Variants in IQSEC3 observed in about 807,000 individuals in gnomAD.
IQSEC3 encodes IQ motif and Sec7 domain ArfGEF 3.
In IQSEC3, 50 loss-of-function variants were observed where a neutral mutation model predicts 105.4. The ratio of observed to expected loss-of-function variants is 0.47; its 90% CI spans 0.38 to 0.60. The LOEUF is 0.60. IQSEC3 is among the 20% of genes least tolerant of loss of function. The probability of loss-of-function intolerance (pLI) is 0.00; values close to 1 mark genes in which losing one functional copy is unlikely to be tolerated. For missense variants in IQSEC3, 1,415 were observed against 1,630.0 expected, an observed-to-expected ratio of 0.87 and a Z score of 2.27; for synonymous variants, 708 against 746.0, an observed-to-expected ratio of 0.95 and a Z score of 0.83.
rs907706178 is a variant in IQSEC3 at position 132,696 on chromosome 12, T to C, written c.904-5571T>C. On this transcript the variant is annotated intron_variant, in intron 3 of 13. Transcript: ENST00000538872. ...AGGCAAGTTTCCCAGGCTGGGTGCT[T>C]GTCAGGCCAATAAGGAAGTCAACAA... 2.0e-5 allele frequency among the ~76,000 whole-genome samples: 3 copies of C among 152,178 alleles called. No homozygotes were observed. The East Asian group carries it at 5.8e-4, about 29-fold the overall frequency.
rs1555091175 is a variant in IQSEC3 at position 146,725 on chromosome 12, G to A, written c.2153+5440G>A. Among the ~76,000 whole-genome samples the A allele has an allele frequency of 4.6e-5, 7 of 152,072 alleles. No homozygotes were observed. The South Asian group carries it at 1.5e-3, about 32-fold the overall frequency. ...GAGGAAGGGAGGGAGGGAGGGAGGA[G>A]GAAGAAAGAGAGAGATAGATAGAGA... On this transcript the variant is annotated intron_variant, in intron 5 of 13. Transcript: ENST00000538872.
chr12:153,172 G>T (rs1033329837), intron 5 of IQSEC3, among the ~76,000 whole-genome samples: 2 of 152,048 alleles, frequency 1.3e-5, no homozygotes, highest in African/African-American at 4.8e-5. Flanking sequence ...GTAGAGGGCC[G>T]AGGCTTATAG....
At chr12:151,883 T>C (rs1413829690) in intron 5 of IQSEC3, among the ~76,000 whole-genome samples, 1 of 152,198 alleles carries the variant, frequency 6.6e-6, no homozygotes, top group Admixed American at 6.5e-5. Context: ...CCTACTCATC[T>C]TTCAGGCCTC....
At chr12:91,706 G>A (rs1260328574) in intron 1 of IQSEC3, among the ~76,000 whole-genome samples, 38 of 152,156 alleles carry the variant, frequency 2.5e-4, no homozygotes, top group Admixed American at 2.5e-3. Flanking sequence ...GTTGGAGGTT[G>A]GAGGTTGGAG....
In IQSEC3 at chr12:138,769, A is replaced by G. The variant is rs782528042; in HGVS notation, c.1406A>G (p.Glu469Gly). 6.3e-7 allele frequency: 1 copy of G among 1,580,814 alleles called. No individual in the cohort carries two copies. Among genetic ancestry groups the G allele is most frequent in the East Asian group, 2.3e-5 (1 of 43,406 alleles). The change falls in exon 4 of 14, where the codon GAG (glutamate) becomes GGG (glycine). Residue 469 changes from glutamate (E) to glycine (G), a missense_variant. Physicochemically the swap from Glu to Gly is moderately conservative, Grantham distance 98. This residue lies in a region of IQSEC3 where 720 missense variants were observed against 633.0 expected (regional missense o/e 1.14). Coordinates refer to ENST00000538872, the MANE Select transcript of IQSEC3 (RefSeq NM_001170738.2). The surrounding 1 kb of genome is among the most constrained non-coding windows in gnomAD (Gnocchi z 7.1). ...AGPGPGDDAA[E>G]TPGLPPAHSG... Reference sequence around the variant, plus strand: ...CCCGGGCCCGGGGATGACGCCGCGGAGACCCCCGGCCTGCCCCCGGCCCAC... The same window carrying G: ...CCCGGGCCCGGGGATGACGCCGCGGGGACCCCCGGCCTGCCCCCGGCCCAC...
chr12:70,195 C>T (rs1863259177), intron 1 of IQSEC3, among the ~76,000 whole-genome samples: 2 of 152,260 alleles, frequency 1.3e-5, no homozygotes, highest in African/African-American at 4.8e-5. Context: ...GCATTATGTC[C>T]TCACACAGTT....
intron 1 of IQSEC3, among the ~76,000 whole-genome samples, chr12:84,971 A>C (rs1431090400): frequency 6.6e-6 from 1 of 152,216 alleles, no homozygotes; most frequent in Non-Finnish European, 1.5e-5. Flanking sequence ...TGCAGCAAAA[A>C]AAGTCAGAGC....
chr12:154,328 C>T (rs536680749), intron 5 of IQSEC3, among the ~76,000 whole-genome samples: 5 of 152,368 alleles, frequency 3.3e-5, no homozygotes, highest in African/African-American at 1.2e-4. Flanking sequence ...GCCTCTGCGG[C>T]AGCCTGCCCC....
intron 13 of IQSEC3, among the ~76,000 whole-genome samples, chr12:173,991 C>T (rs1347004447): frequency 1.5e-4 from 23 of 152,196 alleles, no homozygotes; most frequent in Non-Finnish European, 4.4e-5. Context: ...AGCTGGGGAG[C>T]TGACTCTGCC....
chr12:152,759 AG>A lies in IQSEC3; in HGVS notation c.2154-4265del. Among the ~76,000 whole-genome samples, 1 of 152,302 alleles carries A rather than the reference AG, an allele frequency of 6.6e-6. No individual in the cohort carries two copies. Among genetic ancestry groups the A allele is most frequent in the East Asian group, 1.9e-4 (1 of 5,166 alleles). On this transcript the variant is annotated intron_variant, in intron 5 of 13. Transcript: ENST00000538872. The surrounding 1 kb of genome is among the most constrained non-coding windows in gnomAD (Gnocchi z 4.8). ...CAGTGGGGCAGGGAGAGGCCTCACAAGATTAGGAAGCTGAAAGCCTGCTCTC... is the reference window on the plus strand; with the variant it reads ...CAGTGGGGCAGGGAGAGGCCTCACAAATTAGGAAGCTGAAAGCCTGCTCTC...
intron 2 of IQSEC3, among the ~76,000 whole-genome samples, chr12:103,333 G>C (rs1555076735): frequency 6.7e-6 from 1 of 149,040 alleles, no homozygotes; most frequent in Non-Finnish European, 1.5e-5. Context: ...GGAGAGGGTG[G>C]GGCTCAGGAG....
rs530314559 is a variant in IQSEC3, at chr12:150,219, A to G, written c.2154-6806A>G. 3.9e-5 allele frequency among the ~76,000 whole-genome samples: 6 copies of G among 152,242 alleles called. No homozygotes were observed. The South Asian group carries it at 1.0e-3, about 26-fold the overall frequency. ...AGCCAGTGGTCTCCGAGCTGATGAG[A>G]ATTCAGAATACGCGTGTGCTTCAGG... On this transcript the variant is annotated intron_variant, in intron 5 of 13. Coordinates refer to ENST00000538872, the MANE Select transcript of IQSEC3 (RefSeq NM_001170738.2).
At chr12:168,866 G>T in intron 11 of IQSEC3, 147 bp from the exon 12 acceptor site, 1 of 699,118 alleles carries the variant, frequency 1.4e-6, no homozygotes. Flanking sequence ...TTCAGTGGTG[G>T]GGCCAGACCC....
chr12:92,829 T>G (rs1864131253), intron 1 of IQSEC3, among the ~76,000 whole-genome samples: 1 of 152,192 alleles, frequency 6.6e-6, no homozygotes, highest in African/African-American at 2.4e-5. Flanking sequence ...GGAAGCAGGT[T>G]CTGAGAACAG....
At position 138,930 on chromosome 12, in the gene IQSEC3, G is replaced by A. The variant is rs1555087846; in HGVS notation, c.1567G>A (p.Ala523Thr). 2.5e-6 allele frequency: 4 copies of A among 1,594,972 alleles called. No homozygotes were observed. Among genetic ancestry groups the A allele is most frequent in the Non-Finnish European group, 3.4e-6 (4 of 1,171,716 alleles). ...GACGGTCCAGGCCCCCGCAGAGCCC[G>A]CGGCGGGCAAGGCCGAGCAGGGCGA... ...AQTVQAPAEP[A>T]AGKAEQGETS... Residue 523 changes from alanine (A) to threonine (T), a missense_variant, in exon 4 of 14, where the codon GCG (alanine) becomes ACG (threonine). By Grantham distance (58) the Ala-to-Thr change is moderately conservative. Coordinates refer to ENST00000538872, the MANE Select transcript of IQSEC3 (RefSeq NM_001170738.2). This position sits in a 1 kb window ranked among gnomAD's most constrained non-coding sequence, Gnocchi z 7.1.
rs1268347584 is a variant in IQSEC3, at chr12:125,832, C to T, written c.823C>T (p.Pro275Ser). 7 of 1,531,314 alleles carry T rather than the reference C, an allele frequency of 4.6e-6. No individual in the cohort carries two copies. The highest frequency in any genetic ancestry group is 6.1e-6 in the Non-Finnish European group (7 of 1,145,348). The allele number at this position is 1,531,314 out of a possible 1,614,324, so 94.9% of individuals were successfully genotyped here. A position where few individuals can be genotyped will look rare whatever the true frequency, so the allele number is the denominator to read the frequency against. ...QHKASPGRQQ[P>S]ALATALCPHA... ...CAAGGCCTCCCCCGGCCGGCAGCAGCCTGCCCTGGCGACGGCGCTGTGCCC... is the reference window on the plus strand; with the variant it reads ...CAAGGCCTCCCCCGGCCGGCAGCAGTCTGCCCTGGCGACGGCGCTGTGCCC... The change falls in exon 3 of 14, where the codon CCT becomes TCT. Residue 275 changes from proline to serine, a missense_variant. Physicochemically the swap from Pro to Ser is moderately conservative, Grantham distance 74. This residue lies in a region of IQSEC3 where 720 missense variants were observed against 633.0 expected (regional missense o/e 1.14). Transcript: ENST00000538872.
intron 1 of IQSEC3, among the ~76,000 whole-genome samples, chr12:75,258 G>A (rs1863472528): frequency 6.6e-6 from 1 of 152,280 alleles, no homozygotes; most frequent in South Asian, 2.1e-4. Context: ...CTAAAGGCCA[G>A]GGAAGGAGGC....
In IQSEC3 at chr12:138,826, T is replaced by G; in HGVS notation, c.1463T>G (p.Val488Gly). The change falls in exon 4 of 14, where the codon GTC becomes GGC. Residue 488 changes from valine to glycine, a missense_variant. Val to Gly is a moderately radical substitution (Grantham distance 109). Coordinates refer to ENST00000538872, the MANE Select transcript of IQSEC3 (RefSeq NM_001170738.2). The surrounding 1 kb of genome is among the most constrained non-coding windows in gnomAD (Gnocchi z 7.1). ...SGTLMMAFRD[V>G]TVQIANQNIS... ...ACCCTCATGATGGCTTTCCGGGACG[T>G]CACGGTGCAGATCGCCAACCAGAAC... The G allele has an allele frequency of 6.2e-7, 1 of 1,611,168 alleles. No individual in the cohort carries two copies. The highest frequency in any genetic ancestry group is 8.5e-7 in the Non-Finnish European group (1 of 1,179,208).
intron 5 of IQSEC3, among the ~76,000 whole-genome samples, chr12:145,021 T>C (rs1435687353): frequency 2.0e-5 from 3 of 152,218 alleles, no homozygotes; most frequent in South Asian, 2.1e-4. Context: ...TTTGTAGCGA[T>C]GGGGGTCTCA....
Sources: gnomAD v4.1 joint callset for allele counts (sites outside exome capture counted in the v4.1 genomes callset) on GRCh38, gnomAD v4.1.1 for gene constraint, gnomAD v4.1.1 regional missense constraint, Gnocchi (gnomAD v3.1) non-coding constraint, MANE v1.5 for transcripts, NCBI Gene and HGNC (gene_info 2026-07-23, HGNC 2026-07-21) for gene names.